The following RCSD1 variants were observed in gnomAD, a reference collection of about 807,000 sequenced individuals.
RCSD1 encodes the protein capZ-interacting protein.
A neutral mutation model predicts 42.5 loss-of-function variants in RCSD1; 26 were observed. That is an observed-to-expected ratio of 0.61 (90% confidence interval 0.45 to 0.85). The LOEUF is 0.85. Ranked by LOEUF, RCSD1 falls within the 40% of genes least tolerant of loss-of-function variation. The pLI is 0.00. For missense variants in RCSD1, 571 were observed against 528.3 expected (o/e 1.08, Z -0.79); for synonymous variants, 220 against 212.2 (o/e 1.04, Z -0.32).
chr1:167,697,985 C>G lies in RCSD1; in HGVS notation c.1218+143C>G, dbSNP rs117101152. ...GTGCCAGGCTCCTGCCTCGTGCCAA[C>G]TTGTTGGAGAAAGGCTGTCGCTGAG... On this transcript the variant is annotated intron_variant, in intron 6 of 6. Transcript: ENST00000367854. 380 of 1,102,886 alleles carry G rather than the reference C, an allele frequency of 3.4e-4. 3 individuals are homozygous for G. In the East Asian group the frequency reaches 0.01, roughly 30 times the overall value. The allele number at this position is 1,102,886 out of a possible 1,614,324, so 68.3% of individuals were successfully genotyped here. A position where few individuals can be genotyped will look rare whatever the true frequency, so the allele number is the denominator to read the frequency against.
intron 1 of RCSD1, among the ~76,000 whole-genome samples, chr1:167,632,338 C>T (rs931524977): frequency 9.9e-5 from 15 of 152,184 alleles, no homozygotes; most frequent in African/African-American, 3.4e-4. Context: ...AAGAGAAAAG[C>T]AACTCTTAGA....
chr1:167,669,957 C>T (rs1483938116), intron 1 of RCSD1, among the ~76,000 whole-genome samples: 1 of 149,164 alleles, frequency 6.7e-6, no homozygotes, highest in Non-Finnish European at 1.5e-5. Context: ...CTGCTGCAGC[C>T]TGAAGGACAA....
At chr1:167,698,983 T>C (rs565885135) in intron 6 of RCSD1, among the ~76,000 whole-genome samples, 1 of 152,206 alleles carries the variant, frequency 6.6e-6, no homozygotes, top group South Asian at 2.1e-4. Context: ...GTATTTTTAG[T>C]GGAGACGGGT....
intron 1 of RCSD1, among the ~76,000 whole-genome samples, chr1:167,673,775 T>C (rs906154002): frequency 9.2e-5 from 14 of 152,220 alleles, no homozygotes; most frequent in African/African-American, 3.1e-4. Context: ...TTCCATGCTT[T>C]TGACACTTTG....
intron 1 of RCSD1, among the ~76,000 whole-genome samples, chr1:167,675,207 GAA>G (rs34426324): frequency 5.7e-4 from 28 of 49,146 alleles, no homozygotes; most frequent in South Asian, 1.4e-3. Context: ...CTCCATCTCG[GAA>G]AAAAAAAAAA....
chr1:167,680,971 G>C (rs1339220735), intron 1 of RCSD1, among the ~76,000 whole-genome samples: 3 of 152,240 alleles, frequency 2.0e-5, no homozygotes, highest in African/African-American at 7.2e-5. Context: ...CCTGGCCCAT[G>C]GCTGAGGTGG....
intron 1 of RCSD1, among the ~76,000 whole-genome samples, chr1:167,680,648 T>C (rs1245646990): frequency 6.6e-6 from 1 of 152,050 alleles, no homozygotes; most frequent in Non-Finnish European, 1.5e-5. Context: ...ACTAGGCTAA[T>C]ATTGTATACA....
intron 1 of RCSD1, among the ~76,000 whole-genome samples, chr1:167,678,232 A>T (rs1658996733): frequency 2.0e-5 from 3 of 151,652 alleles, no homozygotes; most frequent in Admixed American, 2.0e-4. Context: ...CTAGCTAGTG[A>T]CTCTCCAAGT....
intron 1 of RCSD1, among the ~76,000 whole-genome samples, chr1:167,675,672 A>G (rs532767217): frequency 1.1e-4 from 16 of 152,096 alleles, no homozygotes; most frequent in Non-Finnish European, 2.2e-4. Flanking sequence ...AAGCCATAAA[A>G]CGAAACTCAG....
intron 1 of RCSD1, among the ~76,000 whole-genome samples, chr1:167,672,675 CA>C (rs1255061137): frequency 3.3e-5 from 5 of 152,196 alleles, no homozygotes; most frequent in Admixed American, 3.3e-4. Flanking sequence ...ATAATCCAGT[CA>C]GCTGACTGGC....
intron 3 of RCSD1, among the ~76,000 whole-genome samples, chr1:167,686,512 C>G (rs1334823942): frequency 1.3e-5 from 2 of 152,214 alleles, no homozygotes; most frequent in Non-Finnish European, 2.9e-5. Context: ...AGCAGAAACT[C>G]ATCGCTGCCC....
intron 1 of RCSD1, among the ~76,000 whole-genome samples, chr1:167,662,724 G>T (rs57580345): frequency 6.6e-6 from 1 of 152,214 alleles, no homozygotes; most frequent in African/African-American, 2.4e-5. Context: ...AATCTTCTTA[G>T]GAAGGAAGAG....
At chr1:167,651,793 T>C (rs575184384) in intron 1 of RCSD1, among the ~76,000 whole-genome samples, 1 of 152,220 alleles carries the variant, frequency 6.6e-6, no homozygotes, top group East Asian at 1.9e-4. Context: ...AGGGAAAGCA[T>C]GGCAGGGAAC....
chr1:167,630,475 T>G, intron 1 of RCSD1, 46 bp downstream of exon 1: 2 of 1,506,874 alleles, frequency 1.3e-6, no homozygotes, highest in Non-Finnish European at 1.8e-6. Flanking sequence ...GTGAGCGGTG[T>G]ATCGGGCGCC....
At chr1:167,686,252 A>C (rs1394749148) in intron 3 of RCSD1, among the ~76,000 whole-genome samples, 1 of 152,184 alleles carries the variant, frequency 6.6e-6, no homozygotes, top group Non-Finnish European at 1.5e-5. Context: ...CTGGGAGGCC[A>C]ACCCCAAAAT....
At chr1:167,684,641 G>A (rs1659177404) in intron 2 of RCSD1, among the ~76,000 whole-genome samples, 1 of 152,152 alleles carries the variant, frequency 6.6e-6, no homozygotes, top group African/African-American at 2.4e-5. Context: ...TTGGGAGGCC[G>A]AGGCAGGCAG....
At chr1:167,636,905 C>G (rs1657874155) in intron 1 of RCSD1, among the ~76,000 whole-genome samples, 1 of 152,158 alleles carries the variant, frequency 6.6e-6, no homozygotes, top group Non-Finnish European at 1.5e-5. Flanking sequence ...TAGTTAGATT[C>G]AGTAAGCACA....
At chr1:167,631,974 G>A (rs960629371) in intron 1 of RCSD1, among the ~76,000 whole-genome samples, 4 of 152,260 alleles carry the variant, frequency 2.6e-5, no homozygotes, top group African/African-American at 9.6e-5. Context: ...AACCACTGGA[G>A]TCTAATATGG....
intron 5 of RCSD1, among the ~76,000 whole-genome samples, chr1:167,695,244 T>C (rs758670143): frequency 1.1e-4 from 17 of 152,232 alleles, no homozygotes; most frequent in Non-Finnish European, 2.4e-4. Flanking sequence ...GAGAGCCGCA[T>C]CTTCTCACAG....
Sources: allele counts gnomAD v4.1 joint callset (sites outside exome capture counted in the v4.1 genomes callset), GRCh38; gene constraint gnomAD v4.1.1; transcripts MANE v1.5; gene names NCBI Gene and HGNC (gene_info 2026-07-23, HGNC 2026-07-21).